Variants in LUZP2 observed in about 807,000 individuals in gnomAD.
LUZP2 encodes leucine zipper protein 2.
In LUZP2, 52 loss-of-function variants were observed where a neutral mutation model predicts 51.6. The ratio of observed to expected loss-of-function variants is 1.01; its 90% CI spans 0.81 to 1.27. The LOEUF is 1.27. Ranked by LOEUF, LUZP2 falls within the 50% of genes most tolerant of loss-of-function variation. The probability of loss-of-function intolerance (pLI) is 0.00; values close to 1 mark genes in which losing one functional copy is unlikely to be tolerated. For missense variants in LUZP2, 436 were observed against 395.4 expected, an observed-to-expected ratio of 1.10 and a Z score of -0.87; for synonymous variants, 154 against 137.3, an observed-to-expected ratio of 1.12 and a Z score of -0.85.
At chr11:24,705,663 A>G (rs1857555583) in intron 1 of LUZP2, among the ~76,000 whole-genome samples, 2 of 152,192 alleles carry the variant, frequency 1.3e-5, no homozygotes, top group Non-Finnish European at 2.9e-5. Context: ...CAATTACCAT[A>G]TTGCAAATGA....
intron 1 of LUZP2, among the ~76,000 whole-genome samples, chr11:24,602,409 CACACACAT>C (rs1853765856): frequency 7.4e-6 from 1 of 135,148 alleles, no homozygotes; most frequent in South Asian, 2.3e-4. Flanking sequence ...CACACACACA[CACACACAT>C]ACATCCCTAT....
At chr11:24,629,494 A>G (rs956802442) in intron 1 of LUZP2, among the ~76,000 whole-genome samples, 2 of 147,762 alleles carry the variant, frequency 1.4e-5, no homozygotes, top group African/African-American at 4.9e-5. Flanking sequence ...TCCATTGCAT[A>G]TATATATTAC....
intron 5 of LUZP2, among the ~76,000 whole-genome samples, chr11:24,895,350 C>CT (rs899159539): frequency 1.5e-4 from 23 of 151,598 alleles, no homozygotes; most frequent in Admixed American, 1.1e-3. Flanking sequence ...ACAAACAGAA[C>CT]TTTTTTTTTA....
chr11:24,644,592 TC>T (rs1247542934), intron 1 of LUZP2, among the ~76,000 whole-genome samples: 17 of 151,958 alleles, frequency 1.1e-4, no homozygotes. Context: ...ACGTTTACCT[TC>T]CATGTAGATC....
intron 7 of LUZP2, among the ~76,000 whole-genome samples, chr11:24,965,330 A>C (rs75530819): frequency 0.088 from 13,185 of 149,732 alleles, 1,957 homozygotes; most frequent in African/African-American, 0.3. Flanking sequence ...TTTTCTGCTG[A>C]AATCTCCATT....
At chr11:24,561,157 G>A (rs1564991264) in intron 1 of LUZP2, among the ~76,000 whole-genome samples, 1 of 152,150 alleles carries the variant, frequency 6.6e-6, no homozygotes, top group Non-Finnish European at 1.5e-5. Flanking sequence ...TATTCAGATG[G>A]ATAGCACACA....
chr11:24,532,946 A>G (rs2133827961), intron 1 of LUZP2, among the ~76,000 whole-genome samples: 1 of 151,334 alleles, frequency 6.6e-6, no homozygotes, highest in Non-Finnish European at 1.5e-5. Flanking sequence ...TTATGCTGAC[A>G]TTTTACTTTC....
At chr11:24,834,721 A>T (rs1404541568) in intron 5 of LUZP2, among the ~76,000 whole-genome samples, 1 of 152,194 alleles carries the variant, frequency 6.6e-6, no homozygotes, top group Non-Finnish European at 1.5e-5. Flanking sequence ...ACAGTGCAAA[A>T]GCATTCCTAT....
chr11:24,789,748 A>T (rs911842476), intron 5 of LUZP2, among the ~76,000 whole-genome samples: 1 of 152,130 alleles, frequency 6.6e-6, no homozygotes, highest in Non-Finnish European at 1.5e-5. Flanking sequence ...CAAAGATGAC[A>T]CCTCTTGCTG....
At chr11:24,600,660 T>C (rs978807577) in intron 1 of LUZP2, among the ~76,000 whole-genome samples, 1 of 152,114 alleles carries the variant, frequency 6.6e-6, no homozygotes. Context: ...AAGATCGTGA[T>C]TGCTTCCTAC....
At chr11:25,015,810 T>G (rs1332647327) in intron 9 of LUZP2, among the ~76,000 whole-genome samples, 1 of 152,178 alleles carries the variant, frequency 6.6e-6, no homozygotes, top group Non-Finnish European at 1.5e-5. Flanking sequence ...TTGTTTTTCA[T>G]TTACTATGTA....
At chr11:24,732,336 G>C (rs1858744069) in intron 3 of LUZP2, 148 bp downstream of exon 3, 1 of 622,906 alleles carries the variant, frequency 1.6e-6, no homozygotes, top group African/African-American at 1.9e-5. Context: ...TGGGAATCTT[G>C]TTCAAATGCA....
chr11:24,957,594 G>A (rs890183795), intron 7 of LUZP2, among the ~76,000 whole-genome samples: 4 of 152,026 alleles, frequency 2.6e-5, no homozygotes, highest in African/African-American at 9.7e-5. Flanking sequence ...AGAACGTGTG[G>A]TATTTGACTT....
intron 1 of LUZP2, among the ~76,000 whole-genome samples, chr11:24,707,745 G>A (rs1857646499): frequency 1.3e-5 from 2 of 152,136 alleles, no homozygotes; most frequent in African/African-American, 4.8e-5. Context: ...ACCAACATTG[G>A]TAAGGGTTGT....
At chr11:24,892,079 G>T (rs1421562519) in intron 5 of LUZP2, 1 of 985,468 alleles carries the variant, frequency 1.0e-6, no homozygotes, top group Non-Finnish European at 1.2e-6. Flanking sequence ...TGAAGCCAGG[G>T]CTCATGGTCA....
chr11:24,806,145 A>G (rs1564917223), intron 5 of LUZP2, among the ~76,000 whole-genome samples: 1 of 152,232 alleles, frequency 6.6e-6, no homozygotes, highest in Non-Finnish European at 1.5e-5. Context: ...GGGGATAAAA[A>G]GCCAGGTTAC....
chr11:24,781,999 G>T lies in LUZP2; in HGVS notation c.396+18691G>T, dbSNP rs138757811. 3.3e-3 allele frequency among the ~76,000 whole-genome samples: 508 copies of T among 152,120 alleles called. 4 individuals are homozygous for T. Among genetic ancestry groups the T allele is most frequent in the African/African-American group, 0.012 (484 of 41,546 alleles). ...GTTTGGATAAGAAGACTCTAAGTAA[G>T]TGCTTGTCAAATGCTGCTGAATGGG... is the stretch of plus-strand genomic sequence containing the variant. On this transcript the variant is annotated intron_variant, in intron 5 of 11. Transcript: ENST00000336930.
intron 5 of LUZP2, among the ~76,000 whole-genome samples, chr11:24,902,025 C>A (rs7394985): frequency 0.5 from 76,371 of 151,848 alleles, 19,506 homozygotes; most frequent in East Asian, 0.73. Flanking sequence ...TAATATTTGC[C>A]GCTTTATTTG....
At chr11:24,789,712 G>C (rs1347764306) in intron 5 of LUZP2, among the ~76,000 whole-genome samples, 1 of 152,144 alleles carries the variant, frequency 6.6e-6, no homozygotes, top group African/African-American at 2.4e-5. Flanking sequence ...CAGCAGTGAG[G>C]TCTGATGAGG....
Sources: gnomAD v4.1 joint callset for allele counts (sites outside exome capture counted in the v4.1 genomes callset) on GRCh38, gnomAD v4.1.1 for gene constraint, MANE v1.5 for transcripts, NCBI Gene and HGNC (gene_info 2026-07-23, HGNC 2026-07-21) for gene names.